The following FAM171A1 variants were observed in gnomAD, a reference collection of about 807,000 sequenced individuals.
The protein encoded by FAM171A1 is protein FAM171A1.
FAM171A1 carries 23 observed loss-of-function variants against 74.9 expected under a neutral mutation model. That is an observed-to-expected ratio of 0.31 (90% confidence interval 0.22 to 0.44). FAM171A1 has a LOEUF of 0.44. Ranked by LOEUF, FAM171A1 falls within the 20% of genes least tolerant of loss-of-function variation. The pLI is 1.00. For missense variants in FAM171A1, 1,162 were observed against 1,159.2 expected (o/e 1.00, Z -0.03); for synonymous variants, 527 against 505.7 (o/e 1.04, Z -0.57).
rs1055905956 is a variant in FAM171A1 at position 15,276,681 on chromosome 10, T to C, written c.326-734A>G. ...GGAACTAATAACATGATAGAAATTG[T>C]GCTTTTCATTTTTATTTTTTTGAGA... is the stretch of plus-strand genomic sequence containing the variant. On this transcript the variant is annotated intron_variant, in intron 2 of 7. Transcript: ENST00000378116. Among the ~76,000 whole-genome samples, 5 of 152,256 alleles carry C rather than the reference T, an allele frequency of 3.3e-5. No homozygotes were observed. In the South Asian group the frequency reaches 1.0e-3, roughly 32 times the overall value.
chr10:15,340,990 T>C (rs1271586050), intron 1 of FAM171A1, among the ~76,000 whole-genome samples: 1 of 152,134 alleles, frequency 6.6e-6, no homozygotes, highest in Non-Finnish European at 1.5e-5. Context: ...CCCAGAATAG[T>C]CTAATGCTTT....
At position 15,230,525 on chromosome 10, in the gene FAM171A1, T is replaced by C. The variant is rs549806672; in HGVS notation, c.755-9465A>G. Among the ~76,000 whole-genome samples, 17 of 152,354 alleles carry C rather than the reference T, an allele frequency of 1.1e-4. No homozygotes were observed. The East Asian group carries it at 2.1e-3, about 19-fold the overall frequency. On this transcript the variant is annotated intron_variant, in intron 5 of 7. Coordinates refer to ENST00000378116, the MANE Select transcript of FAM171A1 (RefSeq NM_001010924.2). ...AACCAACGACCTTCTGTTTGAAGCA[T>C]GAAATCATGAATGTGTTGAATATTA... is the stretch of plus-strand genomic sequence containing the variant.
intron 1 of FAM171A1, among the ~76,000 whole-genome samples, chr10:15,316,546 C>G (rs540597077): frequency 6.6e-6 from 1 of 152,266 alleles, no homozygotes; most frequent in Admixed American, 6.5e-5. Context: ...TTCCAAGATG[C>G]TGACTTAGTG....
At chr10:15,307,444 A>T (rs1018777568) in intron 1 of FAM171A1, among the ~76,000 whole-genome samples, 26 of 151,988 alleles carry the variant, frequency 1.7e-4, no homozygotes, top group Admixed American at 1.3e-4. Context: ...CAGGAGTTCG[A>T]GACCAGCCTG....
At chr10:15,326,878 CT>C (rs765048482) in intron 1 of FAM171A1, among the ~76,000 whole-genome samples, 1 of 152,184 alleles carries the variant, frequency 6.6e-6, no homozygotes, top group Non-Finnish European at 1.5e-5. Context: ...TCCACCCACC[CT>C]GGCTTCCTAA....
At chr10:15,260,756 T>C (rs911059867) in intron 3 of FAM171A1, among the ~76,000 whole-genome samples, 1 of 152,152 alleles carries the variant, frequency 6.6e-6, no homozygotes, top group Non-Finnish European at 1.5e-5. Context: ...TTGGGCCAGG[T>C]AGTTCTTTGT....
Position 15,370,243 on chromosome 10 carries a change from T to C in FAM171A1, c.97+713A>G, listed in dbSNP as rs1014331117. Among the ~76,000 whole-genome samples, 61 of 146,346 alleles carry C rather than the reference T, an allele frequency of 4.2e-4. 1 individual carries two copies. Among genetic ancestry groups the C allele is most frequent in the African/African-American group, 1.4e-3 (55 of 39,988 alleles). On this transcript the variant is annotated intron_variant, in intron 1 of 7. Coordinates refer to ENST00000378116, the MANE Select transcript of FAM171A1 (RefSeq NM_001010924.2). ...AACTGATCTGGAAAGGATTTTTCTT[T>C]TTTTTTTTTTTTTTTTTGGTGAGCG...
intron 1 of FAM171A1, among the ~76,000 whole-genome samples, chr10:15,300,964 C>T (rs542017205): frequency 6.6e-6 from 1 of 152,318 alleles, no homozygotes; most frequent in South Asian, 2.1e-4. Context: ...AGAAAGTTCA[C>T]GGAAGGAGCT....
intron 1 of FAM171A1, among the ~76,000 whole-genome samples, chr10:15,325,370 T>C (rs1345570750): frequency 6.6e-6 from 1 of 152,098 alleles, no homozygotes; most frequent in Non-Finnish European, 1.5e-5. Context: ...TAGCCAGGTG[T>C]GGTAGCCCTA....
chr10:15,212,599 T>A lies in FAM171A1; in HGVS notation c.*316A>T. 1 of 362,458 alleles carries A rather than the reference T, an allele frequency of 2.8e-6. No homozygotes were observed. The highest frequency in any genetic ancestry group is 5.0e-6 in the Non-Finnish European group (1 of 199,530). 22.5% of individuals were successfully genotyped at this position (362,458 alleles called of 1,614,324 possible). On this transcript the variant is annotated 3_prime_UTR_variant, in exon 8 of 8. Transcript: ENST00000378116. The stretch of plus-strand genomic sequence containing the variant: ...AGAATCCGAGGGAGAACTGAGGTGA[T>A]CGTTAGAGCATAGCGACATCACGTG...
chr10:15,256,143 C>A (rs1193119506), intron 3 of FAM171A1, among the ~76,000 whole-genome samples: 5 of 152,150 alleles, frequency 3.3e-5, no homozygotes, highest in Non-Finnish European at 5.9e-5. Context: ...TTCTCCCGGC[C>A]CCCTGCTGTC....
chr10:15,226,880 C>T (rs1366517459), intron 5 of FAM171A1, among the ~76,000 whole-genome samples: 9 of 152,154 alleles, frequency 5.9e-5, no homozygotes, highest in Admixed American at 5.9e-4. Context: ...CAACCACCCC[C>T]CAGCTTCCCA....
At chr10:15,358,274 CTAG>C (rs1239559840) in intron 1 of FAM171A1, among the ~76,000 whole-genome samples, 3 of 152,104 alleles carry the variant, frequency 2.0e-5, no homozygotes, top group African/African-American at 7.2e-5. Context: ...CTGTGCCTGT[CTAG>C]AAGCTTTTTT....
intron 1 of FAM171A1, among the ~76,000 whole-genome samples, chr10:15,290,796 C>T (rs1835093115): frequency 1.3e-5 from 2 of 152,236 alleles, no homozygotes; most frequent in South Asian, 2.1e-4. Context: ...GAGATGAGAA[C>T]GACCAGGTTG....
At chr10:15,317,192 T>A (rs547569470) in intron 1 of FAM171A1, among the ~76,000 whole-genome samples, 107 of 152,138 alleles carry the variant, frequency 7.0e-4, no homozygotes, top group Admixed American at 2.5e-3. Flanking sequence ...GAGTGGGATG[T>A]GCAGACACTG....
chr10:15,243,700 A>G (rs903987433), intron 5 of FAM171A1, among the ~76,000 whole-genome samples: 1 of 152,236 alleles, frequency 6.6e-6, no homozygotes, highest in Non-Finnish European at 1.5e-5. Flanking sequence ...AAAATCCAAT[A>G]GAACTGTCCT....
chr10:15,265,546 T>G (rs976738990), intron 3 of FAM171A1, among the ~76,000 whole-genome samples: 13 of 124,598 alleles, frequency 1.0e-4, no homozygotes, highest in African/African-American at 3.8e-4. Flanking sequence ...GCCTGGGAAG[T>G]TGAGGCAACA....
At chr10:15,227,459 T>C (rs1834123803) in intron 5 of FAM171A1, among the ~76,000 whole-genome samples, 1 of 152,250 alleles carries the variant, frequency 6.6e-6, no homozygotes. Context: ...CATGGCTCAC[T>C]GTAGCCTCAA....
intron 3 of FAM171A1, among the ~76,000 whole-genome samples, chr10:15,259,680 G>A (rs1406472403): frequency 6.6e-6 from 1 of 151,978 alleles, no homozygotes; most frequent in Non-Finnish European, 1.5e-5. Context: ...CTGCTTGTAA[G>A]AGGTAGAAAG....
Sources: gnomAD v4.1 joint callset for allele counts (sites outside exome capture counted in the v4.1 genomes callset) on GRCh38, gnomAD v4.1.1 for gene constraint, MANE v1.5 for transcripts, NCBI Gene and HGNC (gene_info 2026-07-23, HGNC 2026-07-21) for gene names.